NOVA1: variants seen among roughly 807,000 people sequenced by gnomAD.
NOVA1 encodes RNA-binding protein Nova-1.
Under a neutral mutation model 38.0 loss-of-function variants are expected in NOVA1, and 7 were observed. The observed-to-expected ratio is 0.18, with a 90% CI of 0.10 to 0.35. NOVA1 has a LOEUF of 0.35. Among genes scored for constraint, NOVA1 ranks in the 10% least tolerant of loss-of-function variants. The pLI is 1.00. For synonymous variants in NOVA1, 270 were observed against 232.5 expected (o/e 1.16, Z -1.47); for missense variants, 460 against 616.0 (o/e 0.75, Z 2.68).
chr14:26,498,940 G>A (rs1887042914), intron 2 of NOVA1, among the ~76,000 whole-genome samples: 1 of 152,146 alleles, frequency 6.6e-6, no homozygotes, highest in Non-Finnish European at 1.5e-5. Context: ...GCCAGCCACA[G>A]GAAGGCAAAT....
At chr14:26,563,205 G>T (rs1891931377) in intron 2 of NOVA1, among the ~76,000 whole-genome samples, 1 of 149,908 alleles carries the variant, frequency 6.7e-6, no homozygotes, top group South Asian at 2.1e-4. Context: ...AGGAAGGAAG[G>T]AAGGAAACTC....
At chr14:26,530,414 TATA>T (rs1008010623) in intron 2 of NOVA1, among the ~76,000 whole-genome samples, 21 of 152,170 alleles carry the variant, frequency 1.4e-4, no homozygotes, top group African/African-American at 5.1e-4. Context: ...AAAAAGCAAG[TATA>T]ATATGTTCAT....
intron 2 of NOVA1, chr14:26,549,457 A>G (rs1281578486): frequency 5.7e-6 from 1 of 174,392 alleles, no homozygotes; most frequent in African/African-American, 2.3e-5. Context: ...AATATTGATA[A>G]AAGCATTTTA....
Position 26,597,176 on chromosome 14 carries a change from T to C in NOVA1, c.136+125A>G, listed in dbSNP as rs1008207640. On this transcript the variant is annotated intron_variant, in intron 1 of 4. Coordinates refer to ENST00000539517, the MANE Select transcript of NOVA1 (RefSeq NM_002515.3). Reference sequence around the variant, plus strand: ...GGGCAGGGGCGCAGGGGCCGCCGGGTTCGGGCTGGAGGTGTCCGGGCCGCG... The same window carrying C: ...GGGCAGGGGCGCAGGGGCCGCCGGGCTCGGGCTGGAGGTGTCCGGGCCGCG... 1.2e-5 allele frequency: 14 copies of C among 1,177,350 alleles called. No individual in the cohort carries two copies. The African/African-American group carries it at 1.8e-4, about 15-fold the overall frequency. 72.9% of individuals were successfully genotyped at this position (1,177,350 alleles called of 1,614,324 possible).
At chr14:26,547,612 G>C (rs116483416) in intron 2 of NOVA1, among the ~76,000 whole-genome samples, 1 of 152,032 alleles carries the variant, frequency 6.6e-6, no homozygotes, top group Non-Finnish European at 1.5e-5. Context: ...AGCAGGTATA[G>C]TTTGTGCCTT....
At chr14:26,509,763 C>T (rs1887916672) in intron 2 of NOVA1, among the ~76,000 whole-genome samples, 1 of 152,168 alleles carries the variant, frequency 6.6e-6, no homozygotes, top group Non-Finnish European at 1.5e-5. Flanking sequence ...TCACTGCAAC[C>T]TCTGCCTCCT....
At chr14:26,583,894 C>T (rs1377854126) in intron 2 of NOVA1, among the ~76,000 whole-genome samples, 1 of 138,888 alleles carries the variant, frequency 7.2e-6, no homozygotes, top group African/African-American at 2.8e-5. Context: ...CACACACACA[C>T]ACACACACAC....
intron 2 of NOVA1, among the ~76,000 whole-genome samples, chr14:26,588,215 T>C (rs757365708): frequency 1.3e-5 from 2 of 151,070 alleles, no homozygotes; most frequent in Non-Finnish European, 3.0e-5. Flanking sequence ...ATCTAAAATT[T>C]TTAAATTATT....
At chr14:26,520,731 A>ATT (rs1566499716) in intron 2 of NOVA1, among the ~76,000 whole-genome samples, 3 of 152,142 alleles carry the variant, frequency 2.0e-5, no homozygotes, top group Non-Finnish European at 2.9e-5. Flanking sequence ...CAAATTTGCA[A>ATT]TTATGGAATC....
intron 2 of NOVA1, among the ~76,000 whole-genome samples, chr14:26,568,924 A>C (rs1892301101): frequency 6.6e-6 from 1 of 152,168 alleles, no homozygotes; most frequent in Admixed American, 6.5e-5. Flanking sequence ...CTTCAAGCAG[A>C]TTTTCAGCAT....
intron 2 of NOVA1, among the ~76,000 whole-genome samples, chr14:26,514,716 CT>C: frequency 6.6e-6 from 1 of 151,660 alleles, no homozygotes; most frequent in East Asian, 1.9e-4. Flanking sequence ...TAAAAACAGC[CT>C]TGATTTATTT....
At chr14:26,497,914 GA>G (rs542981290) in intron 2 of NOVA1, among the ~76,000 whole-genome samples, 265 of 152,178 alleles carry the variant, frequency 1.7e-3, no homozygotes, top group African/African-American at 5.6e-3. Context: ...ATACTGTTAA[GA>G]AAAGAAATAA....
chr14:26,550,848 T>C (rs1214692265), intron 2 of NOVA1, among the ~76,000 whole-genome samples: 5 of 152,126 alleles, frequency 3.3e-5, no homozygotes, highest in Admixed American at 2.0e-4. Flanking sequence ...TAGAATTTAT[T>C]TGATTTGGCA....
intron 2 of NOVA1, among the ~76,000 whole-genome samples, chr14:26,487,043 T>C (rs1885973631): frequency 6.6e-6 from 1 of 152,168 alleles, no homozygotes; most frequent in Admixed American, 6.5e-5. Context: ...TGATTTACAT[T>C]CATTTCTTAG....
chr14:26,456,026 CATT>C (rs930246642), intron 4 of NOVA1, among the ~76,000 whole-genome samples: 2 of 151,916 alleles, frequency 1.3e-5, no homozygotes, highest in Non-Finnish European at 2.9e-5. Flanking sequence ...TCTTTGAAAT[CATT>C]ATTATTTTAA....
intron 4 of NOVA1, among the ~76,000 whole-genome samples, chr14:26,460,981 G>A (rs1167538659): frequency 1.3e-5 from 2 of 152,130 alleles, no homozygotes; most frequent in Admixed American, 6.6e-5. Context: ...TGTGGAATAA[G>A]GAGACATTAA....
intron 2 of NOVA1, among the ~76,000 whole-genome samples, chr14:26,507,224 T>A (rs1465278033): frequency 1.3e-5 from 2 of 152,004 alleles, no homozygotes; most frequent in East Asian, 1.9e-4. Context: ...ACCTACTTAA[T>A]TGGGATGATT....
chr14:26,465,013 A>C (rs1337420199), intron 4 of NOVA1, among the ~76,000 whole-genome samples: 1 of 152,186 alleles, frequency 6.6e-6, no homozygotes, highest in Non-Finnish European at 1.5e-5. Context: ...CCTAGTGATA[A>C]GCAAAACACA....
chr14:26,475,867 T>C (rs1884945395), intron 3 of NOVA1, among the ~76,000 whole-genome samples: 2 of 152,110 alleles, frequency 1.3e-5, no homozygotes, highest in Admixed American at 6.6e-5. Context: ...CAGAGAATAT[T>C]ATTATTAATA....
Sources: gnomAD v4.1 joint callset for allele counts (sites outside exome capture counted in the v4.1 genomes callset) on GRCh38, gnomAD v4.1.1 for gene constraint, MANE v1.5 for transcripts, NCBI Gene and HGNC (gene_info 2026-07-23, HGNC 2026-07-21) for gene names.